BMP2: variants seen among roughly 807,000 people sequenced by gnomAD.
BMP2 encodes bone morphogenetic protein 2A.
Under a neutral mutation model 28.8 loss-of-function variants are expected in BMP2, and 2 were observed. The observed-to-expected ratio is 0.07, with a 90% CI of 0.03 to 0.22. The LOEUF (loss-of-function observed/expected upper bound fraction) is 0.22, where lower values mean the gene tolerates loss of function less well. Ranked by LOEUF, BMP2 falls within the 10% of genes least tolerant of loss-of-function variation. BMP2 has a pLI of 1.00. For synonymous variants in BMP2, 218 were observed against 204.3 expected (o/e 1.07, Z -0.57); for missense variants, 437 against 517.7 (o/e 0.84, Z 1.51).
rs1835880495 is a variant in BMP2 at position 6,774,562 on chromosome 20, A to T, written c.347-3683A>T. Among the ~76,000 whole-genome samples, 3 of 152,206 alleles carry T rather than the reference A, an allele frequency of 2.0e-5. No individual in the cohort carries two copies. In the South Asian group the frequency reaches 6.2e-4, roughly 32 times the overall value. On this transcript the variant is annotated intron_variant, in intron 2 of 2. Transcript: ENST00000378827. ...AAACAAAACAAAACAAAAGACAAGA[A>T]ACCTGAGAAGCGCAGTAGATTCAAT... is the stretch of plus-strand genomic sequence containing the variant.
chr20:6,776,712 C>T (rs774628608), intron 2 of BMP2, among the ~76,000 whole-genome samples: 3 of 152,172 alleles, frequency 2.0e-5, no homozygotes, highest in South Asian at 2.1e-4. Flanking sequence ...TGCATTAAAG[C>T]GTTAGTTTGG....
Position 6,778,474 on chromosome 20 carries a change from G to A in BMP2, c.576G>A (p.Leu192=), listed in dbSNP as rs1386949542. ...CGAAATTCCCCGTGACCAGACTTTTGGACACCAGGTTGGTGAATCAGAATG... is the reference window on the plus strand; with the variant it reads ...CGAAATTCCCCGTGACCAGACTTTTAGACACCAGGTTGGTGAATCAGAATG... ...ANSKFPVTRL[L]DTRLVNQNAS... The change falls in exon 3 of 3, where the codon TTG becomes TTA. Residue 192 remains leucine, a synonymous_variant. Coordinates refer to ENST00000378827, the MANE Select transcript of BMP2 (RefSeq NM_001200.4). This position sits in a 1 kb window ranked among gnomAD's most constrained non-coding sequence, Gnocchi z 5.0. The A allele has an allele frequency of 6.2e-7, 1 of 1,614,020 alleles. No homozygotes were observed. The highest frequency in any genetic ancestry group is 8.5e-7 in the Non-Finnish European group (1 of 1,180,018).
Position 6,779,121 on chromosome 20 carries a change from T to A in BMP2, c.*32T>A. On this transcript the variant is annotated 3_prime_UTR_variant, in exon 3 of 3. Transcript: ENST00000378827. ...AAAATTAAATACATAAATATATATATATATATATATTTTAGAAAAAAGAAA... is the reference window on the plus strand; with the variant it reads ...AAAATTAAATACATAAATATATATAAATATATATATTTTAGAAAAAAGAAA... The A allele has an allele frequency of 1.0e-6, 1 of 994,862 alleles. No homozygotes were observed. The highest frequency in any genetic ancestry group is 1.3e-6 in the Non-Finnish European group (1 of 785,254). The allele number at this position is 994,862 out of a possible 1,614,324, so 61.6% of individuals were successfully genotyped here.
chr20:6,778,264 A>C lies in BMP2; in HGVS notation c.366A>C (p.Pro122=), dbSNP rs1342291935. The C allele has an allele frequency of 1.3e-6, 2 of 1,594,628 alleles. No homozygotes were observed. Among genetic ancestry groups the C allele is most frequent in the African/African-American group, 2.7e-5 (2 of 73,596 alleles). The change falls in exon 3 of 3, where the codon CCA becomes CCC. Residue 122 remains proline, a synonymous_variant. Transcript: ENST00000378827. This position sits in a 1 kb window ranked among gnomAD's most constrained non-coding sequence, Gnocchi z 5.0. The part of the protein sequence containing the change: ...FHHEESLEEL[P]ETSGKTTRRF... ...AATTAGAATCTTTGGAAGAACTACC[A>C]GAAACGAGTGGGAAAACAACCCGGA...
Position 6,778,819 on chromosome 20 carries a change from C to G in BMP2, c.921C>G (p.Asp307Glu). ...KRHPLYVDFS[D>E]VGWNDWIVAP... ...ACCCTTTGTACGTGGACTTCAGTGA[C>G]GTGGGGTGGAATGACTGGATTGTGG... The change falls in exon 3 of 3, where the codon GAC becomes GAG. Residue 307 changes from aspartate to glutamate, a missense_variant. Physicochemically the swap from Asp to Glu is conservative, Grantham distance 45 (BLOSUM62 2). Around this residue, in one of 2 missense-constraint regions of BMP2, gnomAD observed 74 missense variants for 124.9 expected, o/e 0.59. Transcript: ENST00000378827. This position sits in a 1 kb window ranked among gnomAD's most constrained non-coding sequence, Gnocchi z 5.0. 1 of 1,614,096 alleles carries G rather than the reference C, an allele frequency of 6.2e-7. No individual in the cohort carries two copies. Among genetic ancestry groups the G allele is most frequent in the Non-Finnish European group, 8.5e-7 (1 of 1,180,016 alleles).
chr20:6,769,527 C>T (rs1387199710), intron 1 of BMP2, among the ~76,000 whole-genome samples: 2 of 151,926 alleles, frequency 1.3e-5, no homozygotes, highest in Admixed American at 1.3e-4. Context: ...TTTCGAGACA[C>T]CCCTGAGGGT....
chr20:6,776,112 G>GA (rs1986495794), intron 2 of BMP2, among the ~76,000 whole-genome samples: 1 of 152,090 alleles, frequency 6.6e-6, no homozygotes, highest in Admixed American at 6.5e-5. Context: ...AGGAGAAGGA[G>GA]AAAAAAACAG....
intron 2 of BMP2, among the ~76,000 whole-genome samples, chr20:6,775,457 T>C (rs1456571515): frequency 6.6e-6 from 1 of 152,166 alleles, no homozygotes; most frequent in African/African-American, 2.4e-5. Context: ...AAGAAACAGA[T>C]TCACTGAGGT....
intron 2 of BMP2, among the ~76,000 whole-genome samples, chr20:6,775,209 T>C (rs1986474493): frequency 6.6e-6 from 1 of 152,342 alleles, no homozygotes; most frequent in African/African-American, 2.4e-5. Context: ...TGATGATTTA[T>C]AGAAGGTTTG....
Position 6,778,664 on chromosome 20 carries a change from A to T in BMP2, c.766A>T (p.Ser256Cys). The stretch of plus-strand genomic sequence containing the variant: ...CAGGTCTTTGCACCAAGATGAACAC[A>T]GCTGGTCACAGATAAGGCCATTGCT... ...ISRSLHQDEH[S>C]WSQIRPLLVT... is the part of the protein sequence containing the mutation. Residue 256 changes from serine to cysteine, a missense_variant, in exon 3 of 3, where the codon AGC becomes TGC. Physicochemically the swap from Ser to Cys is moderately radical, Grantham distance 112. Coordinates refer to ENST00000378827, the MANE Select transcript of BMP2 (RefSeq NM_001200.4). The surrounding 1 kb of genome is among the most constrained non-coding windows in gnomAD (Gnocchi z 5.0). The T allele has an allele frequency of 1.9e-6, 3 of 1,614,192 alleles. No individual in the cohort carries two copies. Among genetic ancestry groups the T allele is most frequent in the Non-Finnish European group, 2.5e-6 (3 of 1,180,018 alleles).
In BMP2 at chr20:6,770,267, C is replaced by T; in HGVS notation, c.141C>T (p.Asp47=). The change falls in exon 2 of 3, where the codon GAC becomes GAT. Residue 47 remains aspartate (D), a synonymous_variant. Transcript: ENST00000378827. ...SSGRPSSQPS[D]EVLSEFELRL... ...GCCGCCCCTCATCCCAGCCCTCTGA[C>T]GAGGTCCTGAGCGAGTTCGAGTTGC... 6.2e-7 allele frequency: 1 copy of T among 1,612,632 alleles called. No homozygotes were observed. Among genetic ancestry groups the T allele is most frequent in the African/African-American group, 1.3e-5 (1 of 75,014 alleles).
chr20:6,774,434 G>C (rs147977422), intron 2 of BMP2, among the ~76,000 whole-genome samples: 21 of 152,286 alleles, frequency 1.4e-4, no homozygotes, highest in African/African-American at 5.1e-4. Context: ...GCTGAGATGG[G>C]AGGACTGCTT....
In BMP2 at chr20:6,778,776, A is replaced by G. The variant is rs775514883; in HGVS notation, c.878A>G (p.Lys293Arg). Residue 293 changes from lysine to arginine, a missense_variant, in exon 3 of 3, where the codon AAG becomes AGG. Transcript: ENST00000378827. The surrounding 1 kb of genome is among the most constrained non-coding windows in gnomAD (Gnocchi z 5.0). The stretch of plus-strand genomic sequence containing the variant: ...AAACACAAACAGCGGAAACGCCTTA[A>G]GTCCAGCTGTAAGAGACACCCTTTG... ...QAKHKQRKRL[K>R]SSCKRHPLYV... The G allele has an allele frequency of 2.5e-6, 4 of 1,614,108 alleles. No individual in the cohort carries two copies. Among genetic ancestry groups the G allele is most frequent in the Non-Finnish European group, 3.4e-6 (4 of 1,180,056 alleles).
At chr20:6,773,274 A>G (rs1435495979) in intron 2 of BMP2, among the ~76,000 whole-genome samples, 1 of 152,240 alleles carries the variant, frequency 6.6e-6, no homozygotes, top group African/African-American at 2.4e-5. Flanking sequence ...TGTGGCACAA[A>G]TTCCCCCGTG....
intron 2 of BMP2, among the ~76,000 whole-genome samples, 170 bp downstream of exon 2, chr20:6,770,642 T>G (rs1418553458): frequency 3.9e-5 from 6 of 152,344 alleles, no homozygotes; most frequent in East Asian, 3.9e-4. Context: ...ACTGCTTGTG[T>G]GGTGGGGGAG....
Position 6,778,717 on chromosome 20 carries a change from G to A in BMP2, c.819G>A (p.Gly273=), listed in dbSNP as rs1568549828. 6.2e-7 allele frequency: 1 copy of A among 1,614,126 alleles called. No individual in the cohort carries two copies. Among genetic ancestry groups the A allele is most frequent in the Non-Finnish European group, 8.5e-7 (1 of 1,180,020 alleles). Residue 273 remains glycine, a synonymous_variant, in exon 3 of 3, where the codon GGG becomes GGA. Coordinates refer to ENST00000378827, the MANE Select transcript of BMP2 (RefSeq NM_001200.4). This position sits in a 1 kb window ranked among gnomAD's most constrained non-coding sequence, Gnocchi z 5.0. The part of the protein sequence containing the change: ...LLVTFGHDGK[G]HPLHKREKRQ... ...TAACTTTTGGCCATGATGGAAAAGG[G>A]CATCCTCTCCACAAAAGAGAAAAAC...
At chr20:6,771,164 T>G (rs1986390804) in intron 2 of BMP2, among the ~76,000 whole-genome samples, 1 of 151,182 alleles carries the variant, frequency 6.6e-6, no homozygotes, top group Non-Finnish European at 1.5e-5. Flanking sequence ...GCTGCCTGTT[T>G]TTTTTTCATG....
Position 6,768,880 on chromosome 20 carries a change from A to C in BMP2, c.-8+5A>C, listed in dbSNP as rs946648804. On this transcript the variant is annotated splice_donor_5th_base_variant and intron_variant, in intron 1 of 2. Coordinates refer to ENST00000378827, the MANE Select transcript of BMP2 (RefSeq NM_001200.4). ...ACGGACTGCGGTCTCCTAAAGGTAG[A>C]GGACGCGGGCCAGGGCCCGGGGTGG... is the stretch of plus-strand genomic sequence containing the variant. 1.2e-5 allele frequency: 3 copies of C among 257,788 alleles called. No homozygotes were observed. The highest frequency in any genetic ancestry group is 6.9e-5 in the African/African-American group (3 of 43,404). 16.0% of individuals were successfully genotyped at this position (257,788 alleles called of 1,614,324 possible).
chr20:6,772,425 T>C (rs1024481777), intron 2 of BMP2, among the ~76,000 whole-genome samples: 1 of 152,236 alleles, frequency 6.6e-6, no homozygotes, highest in African/African-American at 2.4e-5. Context: ...TCTTGTCTCA[T>C]TATGACTAAT....
Sources: gnomAD v4.1 joint callset for allele counts (sites outside exome capture counted in the v4.1 genomes callset) on GRCh38, gnomAD v4.1.1 for gene constraint, gnomAD v4.1.1 regional missense constraint, Gnocchi (gnomAD v3.1) non-coding constraint, MANE v1.5 for transcripts, NCBI Gene and HGNC (gene_info 2026-07-23, HGNC 2026-07-21) for gene names.